BMPR2: variants seen among roughly 807,000 people sequenced by gnomAD.
The protein encoded by BMPR2 is bone morphogenetic protein receptor type 2, also known as bone morphogenetic protein receptor type-2.
Under a neutral mutation model 100.8 loss-of-function variants are expected in BMPR2, and 29 were observed. That is an observed-to-expected ratio of 0.29 (90% CI 0.21 to 0.39). The LOEUF is 0.39. Ranked by LOEUF, BMPR2 falls within the 10% of genes least tolerant of loss-of-function variation. The pLI is 1.00. For synonymous variants in BMPR2, 382 were observed against 442.3 expected, an observed-to-expected ratio of 0.86 and a Z score of 1.71; for missense variants, 1,011 against 1,274.5, an observed-to-expected ratio of 0.79 and a Z score of 3.15.
intron 3 of BMPR2, among the ~76,000 whole-genome samples, chr2:202,490,930 G>T (rs1692888259): frequency 6.6e-6 from 1 of 151,750 alleles, no homozygotes; most frequent in African/African-American, 2.4e-5. Context: ...TTTTTGTTTT[G>T]TTTTTTGTTT....
intron 7 of BMPR2, among the ~76,000 whole-genome samples, chr2:202,523,897 C>T (rs1158064929): frequency 3.9e-5 from 6 of 152,156 alleles, no homozygotes; most frequent in African/African-American, 1.4e-4. Flanking sequence ...TTTGCAGCAA[C>T]ATGGATGGAG....
At position 202,525,857 on chromosome 2, in the gene BMPR2, C is replaced by CTTTTTTTTT. The variant is rs386392340; in HGVS notation, c.968-4920_968-4912dup. Among the ~76,000 whole-genome samples the CTTTTTTTTT allele has an allele frequency of 2.7e-4, 19 of 69,360 alleles. 1 individual carries two copies. The highest frequency in any genetic ancestry group is 5.4e-4 in the East Asian group (1 of 1,844). 45.5% of individuals were successfully genotyped at this position (69,360 alleles called of 152,430 possible). ...TATTTTTGCTAGTTGTTCAGAGCAT[C>CTTTTTTTTT]TTTTTTTTTTTTTTTTTTTTTTTTT... On this transcript the variant is annotated intron_variant, in intron 7 of 12. Transcript: ENST00000374580.
At chr2:202,382,713 A>G (rs34387777) in intron 1 of BMPR2, among the ~76,000 whole-genome samples, 1 of 152,236 alleles carries the variant, frequency 6.6e-6, no homozygotes, top group Non-Finnish European at 1.5e-5. Context: ...ACTATAAAGT[A>G]TGTAGTTTAA....
At chr2:202,536,381 C>T (rs1022764802) in intron 9 of BMPR2, among the ~76,000 whole-genome samples, 6 of 151,966 alleles carry the variant, frequency 3.9e-5, no homozygotes, top group Admixed American at 2.6e-4. Flanking sequence ...CCAAAAGTGC[C>T]TGGATTACAG....
Position 202,567,317 on chromosome 2 carries a change from C to T in BMPR2, c.*7371C>T, listed in dbSNP as rs1390883802. ...CCGGAAAAAGAAAGGCTAGAAAATA[C>T]TCGCACTTCCTCAGAACCCTCTTTC... On this transcript the variant is annotated 3_prime_UTR_variant, in exon 13 of 13. Transcript: ENST00000374580. 1 of 152,634 alleles carries T rather than the reference C, an allele frequency of 6.6e-6. No individual in the cohort carries two copies. Among genetic ancestry groups the T allele is most frequent in the African/African-American group, 2.4e-5 (1 of 41,448 alleles). The allele number at this position is 152,634 out of a possible 1,614,324, so 9.5% of individuals were successfully genotyped here.
chr2:202,480,556 G>GT (rs1347616875), intron 3 of BMPR2, among the ~76,000 whole-genome samples: 10 of 152,134 alleles, frequency 6.6e-5, no homozygotes, highest in Admixed American at 5.9e-4. Flanking sequence ...ATGGCATGAG[G>GT]TAGGGAGTCC....
At chr2:202,451,560 G>A (rs1485719828) in intron 1 of BMPR2, among the ~76,000 whole-genome samples, 4 of 152,026 alleles carry the variant, frequency 2.6e-5, no homozygotes, top group African/African-American at 9.7e-5. Context: ...TTAGCCGGGT[G>A]TGGTGGCAGG....
At chr2:202,453,907 C>T (rs1692036937) in intron 1 of BMPR2, among the ~76,000 whole-genome samples, 1 of 152,044 alleles carries the variant, frequency 6.6e-6, no homozygotes, top group Non-Finnish European at 1.5e-5. Context: ...CATTGCATGT[C>T]TGTATCAGAA....
intron 1 of BMPR2, among the ~76,000 whole-genome samples, chr2:202,388,408 A>AC (rs1271678465): frequency 6.6e-6 from 1 of 150,392 alleles, no homozygotes; most frequent in Non-Finnish European, 1.5e-5. Flanking sequence ...AAAAAAAAAA[A>AC]AAAAAAAAAA....
At chr2:202,448,803 T>TA (rs1470404238) in intron 1 of BMPR2, among the ~76,000 whole-genome samples, 2 of 152,010 alleles carry the variant, frequency 1.3e-5, no homozygotes, top group Admixed American at 1.3e-4. Context: ...ATAAGCCTCT[T>TA]AGAGGTTTAA....
intron 3 of BMPR2, among the ~76,000 whole-genome samples, chr2:202,506,266 C>T (rs1437975857): frequency 6.6e-6 from 1 of 152,038 alleles, no homozygotes; most frequent in African/African-American, 2.4e-5. Flanking sequence ...AAGTGATTCT[C>T]CTGCCTCAGC....
At chr2:202,456,307 G>T (rs1410008081) in intron 1 of BMPR2, among the ~76,000 whole-genome samples, 1 of 150,012 alleles carries the variant, frequency 6.7e-6, no homozygotes, top group Non-Finnish European at 1.5e-5. Context: ...AACTTGCTGG[G>T]ATTACAGGCG....
chr2:202,422,297 A>G (rs895671378), intron 1 of BMPR2, among the ~76,000 whole-genome samples: 4 of 151,952 alleles, frequency 2.6e-5, no homozygotes, highest in South Asian at 4.2e-4. Context: ...CAAAGTACTC[A>G]TCATAAAGTT....
At chr2:202,443,777 C>T (rs1691795488) in intron 1 of BMPR2, among the ~76,000 whole-genome samples, 2 of 150,556 alleles carry the variant, frequency 1.3e-5, no homozygotes, top group South Asian at 4.2e-4. Context: ...TTGGTCTTTG[C>T]CCACTAAATT....
chr2:202,480,953 TAA>T (rs71035011), intron 3 of BMPR2, among the ~76,000 whole-genome samples: 8 of 43,338 alleles, frequency 1.8e-4, no homozygotes, highest in African/African-American at 3.0e-4. Context: ...AGACTCCGTC[TAA>T]AAAAAAAAAA....
At chr2:202,544,762 T>A in intron 10 of BMPR2, among the ~76,000 whole-genome samples, 1 of 3,576 alleles carries the variant, frequency 2.8e-4, no homozygotes, top group Non-Finnish European at 5.7e-4. Flanking sequence ...TTTTTCTTTC[T>A]TTTTTTTTTT....
At chr2:202,394,227 C>G (rs1332198533) in intron 1 of BMPR2, among the ~76,000 whole-genome samples, 2 of 152,018 alleles carry the variant, frequency 1.3e-5, no homozygotes, top group Non-Finnish European at 2.9e-5. Context: ...CGGCAGGAAC[C>G]TGTAATCCCA....
chr2:202,394,481 A>G (rs971033482), intron 1 of BMPR2, among the ~76,000 whole-genome samples: 20 of 152,178 alleles, frequency 1.3e-4, no homozygotes, highest in Non-Finnish European at 2.6e-4. Context: ...ACTGTTTAAC[A>G]AAAGTAACTT....
intron 1 of BMPR2, among the ~76,000 whole-genome samples, chr2:202,429,301 A>G (rs1254158543): frequency 1.3e-5 from 2 of 151,960 alleles, no homozygotes; most frequent in African/African-American, 4.8e-5. Context: ...ACTCCTTATC[A>G]TGGCACATCC....
Sources: gnomAD v4.1 joint callset for allele counts (sites outside exome capture counted in the v4.1 genomes callset) on GRCh38, gnomAD v4.1.1 for gene constraint, MANE v1.5 for transcripts, NCBI Gene and HGNC (gene_info 2026-07-23, HGNC 2026-07-21) for gene names.